Variants in DNAH1 observed in about 807,000 individuals in gnomAD.
The protein encoded by DNAH1 is dynein axonemal heavy chain 1.
A neutral mutation model predicts 484.3 loss-of-function variants in DNAH1; 327 were observed. The ratio of observed to expected loss-of-function variants is 0.68; its 90% CI spans 0.62 to 0.74. The LOEUF (loss-of-function observed/expected upper bound fraction) is 0.74, where lower values mean the gene tolerates loss of function less well. Among genes scored for constraint, DNAH1 ranks in the 30% least tolerant of loss-of-function variants. The pLI, the probability that DNAH1 is intolerant of heterozygous loss-of-function variation, is 0.00. For missense variants in DNAH1, 5,052 were observed against 5,546.8 expected, an observed-to-expected ratio of 0.91 and a Z score of 2.83; for synonymous variants, 2,192 against 2,191.9, an observed-to-expected ratio of 1.00 and a Z score of 0.00.
intron 8 of DNAH1, among the ~76,000 whole-genome samples, chr3:52,335,421 T>G (rs2153223383): frequency 7.2e-6 from 1 of 139,834 alleles, no homozygotes; most frequent in African/African-American, 2.8e-5. Context: ...TTTTTTTTTT[T>G]GCTTCTCTCC....
Position 52,329,825 on chromosome 3 carries a change from GA to G in DNAH1, c.872-1309del, listed in dbSNP as rs71084181. On this transcript the variant is annotated intron_variant, in intron 6 of 77. Coordinates refer to ENST00000420323, the MANE Select transcript of DNAH1 (RefSeq NM_015512.5). ...GGGCAACAGAGTGAGACTCCATCTG[GA>G]AAAAAAAAAAAAACAGAAACAAACA... Among the ~76,000 whole-genome samples, 102 of 125,282 alleles carry G rather than the reference GA, an allele frequency of 8.1e-4. 2 individuals carry two copies. The highest frequency in any genetic ancestry group is 4.0e-3 in the Middle Eastern group (1 of 252). The allele number at this position is 125,282 out of a possible 152,430, so 82.2% of individuals were successfully genotyped here.
At chr3:52,337,694 A>G (rs1487835886) in intron 8 of DNAH1, among the ~76,000 whole-genome samples, 1 of 152,228 alleles carries the variant, frequency 6.6e-6, no homozygotes, top group Admixed American at 6.5e-5. Flanking sequence ...GCATTTAGGA[A>G]GGTCTGTACC....
rs981726298 is a variant in DNAH1, at chr3:52,362,942, G to T, written c.5095-53G>T. The stretch of plus-strand genomic sequence containing the variant: ...GGAGGAGGGCCGGATGAAGCTGGGG[G>T]TGCTCTGGGGGTGAGCTCTGTTTGC... On this transcript the variant is annotated intron_variant, in intron 31 of 77. Transcript: ENST00000420323. The surrounding 1 kb of genome is among the most constrained non-coding windows in gnomAD (Gnocchi z 5.1). 3.1e-6 allele frequency: 5 copies of T among 1,608,558 alleles called. No individual in the cohort carries two copies. In the African/African-American group the frequency reaches 4.0e-5, roughly 13 times the overall value.
chr3:52,325,333 C>G (rs1680346731), intron 3 of DNAH1, among the ~76,000 whole-genome samples: 1 of 152,150 alleles, frequency 6.6e-6, no homozygotes, highest in Non-Finnish European at 1.5e-5. Flanking sequence ...TCACCAGGGC[C>G]CCTGGGACTC....
intron 11 of DNAH1, 62 bp from the exon 12 acceptor site, chr3:52,347,762 G>A: frequency 6.8e-7 from 1 of 1,472,380 alleles, no homozygotes. Context: ...AAGGGCAGAG[G>A]GCTGCTCCTG....
At position 52,346,762 on chromosome 3, in the gene DNAH1, C is replaced by A; in HGVS notation, c.1947C>A (p.Ser649Arg). Residue 649 changes from serine to arginine, a missense_variant, in exon 11 of 78, where the codon AGC (serine) becomes AGA (arginine). Transcript: ENST00000420323. ...DMVWGDDLIN[S>R]PYRPRKNPLF... ...TCTGGGGTGACGACTTAATTAACAG[C>A]CCCTACAGGTGGGGCCCGGCGGGGC... is the stretch of plus-strand genomic sequence containing the variant. 6.2e-7 allele frequency: 1 copy of A among 1,604,434 alleles called. No individual in the cohort carries two copies.
rs58487465 is a variant in DNAH1, at chr3:52,321,122, C to CT, written c.-34-1276dup. The stretch of plus-strand genomic sequence containing the variant: ...GCCATTTCTTTCTTTTTTCTTTTTT[C>CT]TTTTTTTTTTTGAGATGGAGTTTTG... On this transcript the variant is annotated intron_variant, in intron 1 of 77. Coordinates refer to ENST00000420323, the MANE Select transcript of DNAH1 (RefSeq NM_015512.5). 8.4e-3 allele frequency among the ~76,000 whole-genome samples: 1,196 copies of CT among 141,724 alleles called. 9 individuals are homozygous for CT. The highest frequency in any genetic ancestry group is 0.019 in the Middle Eastern group (5 of 262). The allele number at this position is 141,724 out of a possible 152,430, so 93.0% of individuals were successfully genotyped here. A position where few individuals can be genotyped will look rare whatever the true frequency, so the allele number is the denominator to read the frequency against.
chr3:52,400,437 G>C lies in DNAH1; in HGVS notation c.12789G>C (p.Leu4263=), dbSNP rs774260077. 8.1e-6 allele frequency: 13 copies of C among 1,614,038 alleles called. No individual in the cohort carries two copies. The South Asian group carries it at 1.2e-4, about 15-fold the overall frequency. Residue 4263 remains leucine (L), a synonymous_variant, in exon 78 of 78, where the codon CTG becomes CTC. Coordinates refer to ENST00000420323, the MANE Select transcript of DNAH1 (RefSeq NM_015512.5). The part of the protein sequence containing the change: ...IKRGVALICA[L]DY ...GTGGTGTGGCCCTCATCTGTGCCCT[G>C]GACTACTAGACTCAGACAGAAGGGC...
In DNAH1 at chr3:52,326,747, G is replaced by T. The variant is rs202009733; in HGVS notation, c.594G>T (p.Gln198His). 6.2e-7 allele frequency: 1 copy of T among 1,612,984 alleles called. No individual in the cohort carries two copies. Among genetic ancestry groups the T allele is most frequent in the East Asian group, 2.2e-5 (1 of 44,850 alleles). ...RKIEIERRKQ[Q>H]YLSLDIEQLL... Reference sequence around the variant, plus strand: ...TGCCCTTGACCAGGAGGAAACAGCAGTACCTGAGCCTGGACATTGAGCAGT... The same window carrying T: ...TGCCCTTGACCAGGAGGAAACAGCATTACCTGAGCCTGGACATTGAGCAGT... Residue 198 changes from glutamine (Q) to histidine (H), a missense_variant, in exon 5 of 78, where the codon CAG becomes CAT. Gln to His is a conservative substitution (Grantham distance 24). Around this residue, in one of 4 missense-constraint regions of DNAH1, gnomAD observed 1,263 missense variants for 1,218.8 expected, o/e 1.04. Coordinates refer to ENST00000420323, the MANE Select transcript of DNAH1 (RefSeq NM_015512.5).
Position 52,391,195 on chromosome 3 carries a change from T to C in DNAH1, c.9758T>C (p.Leu3253Pro). Residue 3253 changes from leucine to proline, a missense_variant, in exon 62 of 78, where the codon CTG becomes CCG. Around this residue, in one of 4 missense-constraint regions of DNAH1, gnomAD observed 2,929 missense variants for 3,409.4 expected, o/e 0.86. Coordinates refer to ENST00000420323, the MANE Select transcript of DNAH1 (RefSeq NM_015512.5). Reference protein sequence around the residue: ...WIKNMEKDNGLDVFKLSDRDF... With the variant: ...WIKNMEKDNGPDVFKLSDRDF... ...CCCTTACAGGAGAAGGACAATGGGC[T>C]GGATGTGTTCAAGTTGAGTGACCGC... 1 of 1,613,984 alleles carries C rather than the reference T, an allele frequency of 6.2e-7. No individual in the cohort carries two copies. The highest frequency in any genetic ancestry group is 8.5e-7 in the Non-Finnish European group (1 of 1,179,902).
chr3:52,329,613 G>A (rs899646813), intron 6 of DNAH1, among the ~76,000 whole-genome samples: 1 of 152,096 alleles, frequency 6.6e-6, no homozygotes, highest in African/African-American at 2.4e-5. Context: ...GGATCATGAG[G>A]TCAGGAGTTC....
chr3:52,357,342 C>A (rs949033487), intron 22 of DNAH1, among the ~76,000 whole-genome samples: 1 of 152,168 alleles, frequency 6.6e-6, no homozygotes, highest in African/African-American at 2.4e-5. Flanking sequence ...ACGTGAGCCA[C>A]CATGCCCGGC....
intron 58 of DNAH1, 85 bp downstream of exon 58, chr3:52,388,694 G>A (rs1157931520): frequency 6.2e-7 from 1 of 1,605,978 alleles, no homozygotes; most frequent in South Asian, 1.1e-5. Context: ...TGGGTCCTGG[G>A]GTGGCTGTCC....
At chr3:52,333,721 A>G (rs1255794403) in intron 8 of DNAH1, among the ~76,000 whole-genome samples, 1 of 152,136 alleles carries the variant, frequency 6.6e-6, no homozygotes, top group Non-Finnish European at 1.5e-5. Context: ...TGTGAAAGTG[A>G]TATGCATTCA....
intron 8 of DNAH1, among the ~76,000 whole-genome samples, chr3:52,333,101 G>T (rs983551174): frequency 6.6e-6 from 1 of 152,172 alleles, no homozygotes; most frequent in Non-Finnish European, 1.5e-5. Flanking sequence ...GCCCAGGCTG[G>T]CCTTGAATGC....
At chr3:52,321,415 T>C (rs1185865243) in intron 1 of DNAH1, among the ~76,000 whole-genome samples, 2 of 152,226 alleles carry the variant, frequency 1.3e-5, no homozygotes, top group South Asian at 2.1e-4. Context: ...CGCCCCGGCC[T>C]CTTTTTTTCT....
rs899197745 is a variant in DNAH1, at chr3:52,399,474, G to A, written c.12442-71G>A. 64 of 1,343,838 alleles carry A rather than the reference G, an allele frequency of 4.8e-5. 1 individual carries two copies. The highest frequency in any genetic ancestry group is 6.5e-5 in the Non-Finnish European group (63 of 974,544). The allele number at this position is 1,343,838 out of a possible 1,614,324, so 83.2% of individuals were successfully genotyped here. On this transcript the variant is annotated intron_variant, in intron 76 of 77. Transcript: ENST00000420323. ...AGCATTAGGCAGCTCTCTCAGAAGG[G>A]AGTTTTGTGCCTCCTAACCCAGATT...
At position 52,398,131 on chromosome 3, in the gene DNAH1, A is replaced by G. The variant is rs755049947; in HGVS notation, c.12058A>G (p.Met4020Val). 46 of 1,613,428 alleles carry G rather than the reference A, an allele frequency of 2.9e-5. No individual in the cohort carries two copies. The Middle Eastern group carries it at 4.9e-4, about 17-fold the overall frequency. The change falls in exon 75 of 78, where the codon ATG becomes GTG. Residue 4020 changes from methionine (M) to valine (V), a missense_variant. Met to Val is a conservative substitution (Grantham distance 21, BLOSUM62 1). Around this residue, in one of 4 missense-constraint regions of DNAH1, gnomAD observed 853 missense variants for 899.0 expected, o/e 0.95. Coordinates refer to ENST00000420323, the MANE Select transcript of DNAH1 (RefSeq NM_015512.5). The part of the protein sequence containing the change: ...AKYPVLYEES[M>V]NTVLVQEVIR... ...GTACCCAGTGCTGTATGAGGAATCA[A>G]TGAACACAGTACTAGTACAAGAGGT... is the stretch of plus-strand genomic sequence containing the variant.
intron 32 of DNAH1, 39 bp downstream of exon 32, chr3:52,363,183 C>T (rs764615598): frequency 1.3e-4 from 204 of 1,603,866 alleles, no homozygotes; most frequent in Non-Finnish European, 1.7e-4. Flanking sequence ...GGTCTGAAAA[C>T]TTCTGCCTGC....
Sources: gnomAD v4.1 joint callset for allele counts (sites outside exome capture counted in the v4.1 genomes callset) on GRCh38, gnomAD v4.1.1 for gene constraint, gnomAD v4.1.1 regional missense constraint, Gnocchi (gnomAD v3.1) non-coding constraint, MANE v1.5 for transcripts, NCBI Gene and HGNC (gene_info 2026-07-23, HGNC 2026-07-21) for gene names.